TMEM237: variants seen among roughly 807,000 people sequenced by gnomAD.
TMEM237 encodes amyotrophic lateral sclerosis 2 (juvenile) chromosome region, candidate 4.
In TMEM237, 51 loss-of-function variants were observed where a neutral mutation model predicts 59.1. The ratio of observed to expected loss-of-function variants is 0.86; its 90% confidence interval spans 0.69 to 1.09. The LOEUF is 1.09. TMEM237 is among the 50% of genes least tolerant of loss of function. The pLI is 0.00. For missense variants in TMEM237, 475 were observed against 478.3 expected (o/e 0.99, Z 0.06); for synonymous variants, 140 against 166.1 (o/e 0.84, Z 1.21).
In TMEM237 at chr2:201,625,875, AC is replaced by A. The variant is rs1265994211; in HGVS notation, c.1159+150del. 1.8e-5 allele frequency: 16 copies of A among 865,326 alleles called. No individual in the cohort carries two copies. In the Admixed American group the frequency reaches 4.9e-4, roughly 27 times the overall value. 53.6% of individuals were successfully genotyped at this position (865,326 alleles called of 1,614,324 possible). ...TCCCTGCTTCTCTTGGCATTCTGTT[AC>A]ACCACTTTATTTTCTCTCTTCTTGT... On this transcript the variant is annotated intron_variant, in intron 12 of 12. Coordinates refer to ENST00000409883, the MANE Select transcript of TMEM237 (RefSeq NM_001044385.3).
intron 7 of TMEM237, among the ~76,000 whole-genome samples, chr2:201,630,109 G>A (rs931958397): frequency 1.3e-5 from 2 of 151,772 alleles, no homozygotes; most frequent in Non-Finnish European, 2.9e-5. Flanking sequence ...AACAATTTCA[G>A]AAATCAATTA....
chr2:201,629,656 G>C, intron 8 of TMEM237, 73 bp downstream of exon 8: 1 of 1,547,184 alleles, frequency 6.5e-7, no homozygotes, highest in Non-Finnish European at 8.7e-7. Context: ...GAACAACCAA[G>C]AGGTTATTTT....
chr2:201,623,421 G>A lies in TMEM237; in HGVS notation c.*834C>T, dbSNP rs953445804. 1.2e-5 allele frequency: 2 copies of A among 167,064 alleles called. No individual in the cohort carries two copies. Among genetic ancestry groups the A allele is most frequent in the African/African-American group, 4.7e-5 (2 of 42,346 alleles). The allele number at this position is 167,064 out of a possible 1,614,324, so 10.3% of individuals were successfully genotyped here. On this transcript the variant is annotated 3_prime_UTR_variant, in exon 13 of 13. Coordinates refer to ENST00000409883, the MANE Select transcript of TMEM237 (RefSeq NM_001044385.3). Reference sequence around the variant, plus strand: ...GAAACCTCTCTGACAAAGAGCTGGAGAACAGAGATGGTGAATTTCTACTCC... The same window carrying A: ...GAAACCTCTCTGACAAAGAGCTGGAAAACAGAGATGGTGAATTTCTACTCC...
intron 3 of TMEM237, 33 bp downstream of exon 3, chr2:201,640,228 A>C (rs771229443): frequency 6.5e-7 from 1 of 1,534,826 alleles, no homozygotes; most frequent in Admixed American, 2.0e-5. Flanking sequence ...ATTTTTGAAC[A>C]CCAAATATTA....
chr2:201,634,885 C>T (rs542584470), intron 5 of TMEM237: 11 of 450,270 alleles, frequency 2.4e-5, no homozygotes, highest in South Asian at 8.3e-5. Context: ...AATCAAGACA[C>T]GCCGTTTTCT....
intron 7 of TMEM237, among the ~76,000 whole-genome samples, chr2:201,630,498 A>G (rs1957798563): frequency 6.6e-6 from 1 of 152,178 alleles, no homozygotes; most frequent in Non-Finnish European, 1.5e-5. Context: ...AGGAAACAGG[A>G]AAGGTTCCAT....
chr2:201,633,492 CA>C, intron 5 of TMEM237, 61 bp from the exon 6 acceptor site: 1 of 1,324,276 alleles, frequency 7.6e-7, no homozygotes, highest in South Asian at 1.6e-5. Flanking sequence ...AAGTAATGTA[CA>C]AGACTTGTAT....
Position 201,623,533 on chromosome 2 carries a change from T to C in TMEM237, c.*722A>G, listed in dbSNP as rs1408521067. 6.5e-6 allele frequency: 1 copy of C among 154,612 alleles called. No homozygotes were observed. Among genetic ancestry groups the C allele is most frequent in the East Asian group, 1.9e-4 (1 of 5,336 alleles). The allele number at this position is 154,612 out of a possible 1,614,324, so 9.6% of individuals were successfully genotyped here. Reference sequence around the variant, plus strand: ...CCCACAAGCTCACAGGTCTCTCCTTTATTCCCCTGAGCCTTGCCCTGCTCA... The same window carrying C: ...CCCACAAGCTCACAGGTCTCTCCTTCATTCCCCTGAGCCTTGCCCTGCTCA... On this transcript the variant is annotated 3_prime_UTR_variant, in exon 13 of 13. Coordinates refer to ENST00000409883, the MANE Select transcript of TMEM237 (RefSeq NM_001044385.3).
chr2:201,627,265 A>G, intron 11 of TMEM237, 56 bp downstream of exon 11: 6 of 1,264,176 alleles, frequency 4.7e-6, no homozygotes, highest in Non-Finnish European at 1.1e-6. Context: ...ATGGAAGGAT[A>G]AGAAAAGTTG....
intron 1 of TMEM237, chr2:201,642,653 G>A: frequency 6.2e-7 from 1 of 1,607,532 alleles, no homozygotes; most frequent in Admixed American, 1.7e-5. Context: ...CTCGGCGGCC[G>A]CCGGCCCCCA....
Position 201,635,234 on chromosome 2 carries a change from A to G in TMEM237, c.274+1514T>C, listed in dbSNP as rs2105901658. Among the ~76,000 whole-genome samples the G allele has an allele frequency of 6.6e-6, 1 of 152,312 alleles. No individual in the cohort carries two copies. Among genetic ancestry groups the G allele is most frequent in the Middle Eastern group, 3.4e-3 (1 of 294 alleles). On this transcript the variant is annotated intron_variant, in intron 5 of 12. Coordinates refer to ENST00000409883, the MANE Select transcript of TMEM237 (RefSeq NM_001044385.3). The surrounding 1 kb of genome is among the most constrained non-coding windows in gnomAD (Gnocchi z 4.5). ...CAAAAAGAGATATGTTCAAGTCCTA[A>G]CTCATAATACCTGTGAGTGTAACCT...
chr2:201,623,324 AT>A lies in TMEM237; in HGVS notation c.*930del. ...TCTCATATACAACAGCTGAGGTACC[AT>A]TGGATATAGTTCTGAAGAGATCTTT... On this transcript the variant is annotated 3_prime_UTR_variant, in exon 13 of 13. Transcript: ENST00000409883. 1 of 332,884 alleles carries A rather than the reference AT, an allele frequency of 3.0e-6. No homozygotes were observed. The highest frequency in any genetic ancestry group is 6.1e-6 in the Non-Finnish European group (1 of 163,380). 20.6% of individuals were successfully genotyped at this position (332,884 alleles called of 1,614,324 possible).
chr2:201,640,591 A>C (rs574900818), intron 2 of TMEM237, among the ~76,000 whole-genome samples: 69 of 152,134 alleles, frequency 4.5e-4, no homozygotes, highest in Non-Finnish European at 4.7e-4. Flanking sequence ...CTCTGAGGAA[A>C]CTATTCTCAC....
chr2:201,629,607 C>CT (rs1172232841), intron 8 of TMEM237, 122 bp downstream of exon 8: 6 of 1,389,202 alleles, frequency 4.3e-6, no homozygotes, highest in Non-Finnish European at 5.8e-6. Flanking sequence ...AAAAATATAC[C>CT]TACCTACCAT....
intron 11 of TMEM237, 197 bp from the exon 12 acceptor site, chr2:201,626,344 T>G (rs958180631): frequency 1.9e-6 from 1 of 522,832 alleles, no homozygotes; most frequent in African/African-American, 1.9e-5. Flanking sequence ...TTATTTAAAC[T>G]CTGAACAGAT....
intron 1 of TMEM237, chr2:201,642,569 CA>C: frequency 1.3e-6 from 2 of 1,599,976 alleles, no homozygotes; most frequent in Non-Finnish European, 8.5e-7. Flanking sequence ...CAACTGAAGA[CA>C]AAAATCCTAA....
At chr2:201,624,520 A>T (rs1388779548) in intron 12 of TMEM237, among the ~76,000 whole-genome samples, 198 bp from the exon 13 acceptor site, 3 of 152,228 alleles carry the variant, frequency 2.0e-5, no homozygotes, top group African/African-American at 7.2e-5. Context: ...TTACATTTTA[A>T]AATATTTAAA....
intron 5 of TMEM237, chr2:201,634,954 G>GGCT: frequency 2.6e-6 from 1 of 381,434 alleles, no homozygotes; most frequent in Non-Finnish European, 5.5e-6. Flanking sequence ...GATGTTAATA[G>GGCT]GAGAGCACTA....
chr2:201,622,565 C>G lies in TMEM237; in HGVS notation c.*1690G>C, dbSNP rs1262510672. 1 of 152,546 alleles carries G rather than the reference C, an allele frequency of 6.6e-6. No individual in the cohort carries two copies. Among genetic ancestry groups the G allele is most frequent in the African/African-American group, 2.4e-5 (1 of 41,478 alleles). 9.4% of individuals were successfully genotyped at this position (152,546 alleles called of 1,614,324 possible). ...TCTCCTTGGCTCATGGCCCCCTCTT[C>G]CATCTTCAAAGCCAGCAATATCATA... On this transcript the variant is annotated 3_prime_UTR_variant, in exon 13 of 13. Transcript: ENST00000409883.
Sources: gnomAD v4.1 joint callset for allele counts (sites outside exome capture counted in the v4.1 genomes callset) on GRCh38, gnomAD v4.1.1 for gene constraint, Gnocchi (gnomAD v3.1) non-coding constraint, MANE v1.5 for transcripts, NCBI Gene and HGNC (gene_info 2026-07-23, HGNC 2026-07-21) for gene names.